The following UGT1A7 variants were observed in gnomAD, a reference collection of about 807,000 sequenced individuals.
The protein encoded by UGT1A7 is UDP-glucuronosyltransferase 1A7.
In UGT1A7, 33 loss-of-function variants were observed where a neutral mutation model predicts 45.6. The observed-to-expected ratio is 0.72, with a 90% CI of 0.55 to 0.97. The LOEUF (loss-of-function observed/expected upper bound fraction) is 0.97. Among genes scored for constraint, UGT1A7 ranks in the 50% least tolerant of loss-of-function variants. The pLI is 0.00. For synonymous variants in UGT1A7, 274 were observed against 250.6 expected (o/e 1.09, Z -0.88); for missense variants, 684 against 666.2 (o/e 1.03, Z -0.29).
rs1559370464 is a variant in UGT1A7 at position 233,725,249 on chromosome 2, GGAGGCAGAGGCAGAGGAGGCAGAGGCA to G, written c.856-41768_856-41742del. Among the ~76,000 whole-genome samples, 7 of 48,520 alleles carry G rather than the reference GGAGGCAGAGGCAGAGGAGGCAGAGGCA, an allele frequency of 1.4e-4. 2 individuals carry two copies. The highest frequency in any genetic ancestry group is 4.8e-4 in the East Asian group (1 of 2,098). The allele number at this position is 48,520 out of a possible 152,430, so 31.8% of individuals were successfully genotyped here. On this transcript the variant is annotated intron_variant, in intron 1 of 4. Coordinates refer to ENST00000373426, the MANE Select transcript of UGT1A7 (RefSeq NM_019077.3). ...CAGAGGCAGAGGAGGCAGAGGCAGA[GGAGGCAGAGGCAGAGGAGGCAGAGGCA>G]GAGGCAGAGGCAGAGGCAGAGGCAG...
chr2:233,728,979 T>A, intron 1 of UGT1A7: 1 of 1,500,276 alleles, frequency 6.7e-7, no homozygotes, highest in Non-Finnish European at 8.9e-7. Flanking sequence ...AGATTAATGG[T>A]TAATAATTAA....
At chr2:233,730,107 G>A (rs2077985691) in intron 1 of UGT1A7, 1 of 1,570,754 alleles carries the variant, frequency 6.4e-7, no homozygotes, top group Non-Finnish European at 8.6e-7. Flanking sequence ...TTTCATTTCT[G>A]CTTCTCCTTG....
intron 1 of UGT1A7, among the ~76,000 whole-genome samples, chr2:233,689,520 G>A (rs1016831766): frequency 2.6e-5 from 4 of 152,228 alleles, no homozygotes; most frequent in African/African-American, 9.6e-5. Context: ...CATTGGTTTG[G>A]TCATGAGAAG....
At chr2:233,682,820 A>G (rs562629163) in intron 1 of UGT1A7, 28 bp downstream of exon 1, 4 of 1,573,334 alleles carry the variant, frequency 2.5e-6, no homozygotes, top group South Asian at 1.2e-5. Flanking sequence ...TAGCACATTA[A>G]GAATAATCTG....
chr2:233,749,875 A>C (rs747231604), intron 1 of UGT1A7, among the ~76,000 whole-genome samples: 2 of 151,930 alleles, frequency 1.3e-5, no homozygotes, highest in Non-Finnish European at 2.9e-5. Context: ...CAGGATTATA[A>C]GTTTCCTGAG....
chr2:233,722,716 GT>G (rs1305467466), intron 1 of UGT1A7, among the ~76,000 whole-genome samples: 12 of 151,988 alleles, frequency 7.9e-5, no homozygotes, highest in Non-Finnish European at 1.5e-5. Flanking sequence ...TTAAATATCA[GT>G]TTTTAAATTT....
At chr2:233,743,788 C>T (rs1478609008) in intron 1 of UGT1A7, 1 of 1,367,378 alleles carries the variant, frequency 7.3e-7, no homozygotes, top group Admixed American at 1.9e-5. Flanking sequence ...TGAATCTCCT[C>T]TCCGCTTCCT....
intron 1 of UGT1A7, among the ~76,000 whole-genome samples, chr2:233,725,216 A>C (rs1559370373): frequency 4.4e-5 from 2 of 45,274 alleles, no homozygotes; most frequent in African/African-American, 2.5e-4. Flanking sequence ...AGGCAGAGGC[A>C]GAGGAGGCAG....
chr2:233,761,518 T>G (rs780967719), intron 1 of UGT1A7, among the ~76,000 whole-genome samples: 1 of 152,242 alleles, frequency 6.6e-6, no homozygotes, highest in Non-Finnish European at 1.5e-5. Flanking sequence ...GCAGGCAATG[T>G]TCAGGACTGA....
intron 1 of UGT1A7, among the ~76,000 whole-genome samples, chr2:233,761,819 C>T (rs1222575733): frequency 6.6e-6 from 1 of 152,192 alleles, no homozygotes; most frequent in East Asian, 1.9e-4. Flanking sequence ...AGGAGAGGCT[C>T]CTTCAGATGG....
In UGT1A7 at chr2:233,759,969, C is replaced by T. The variant is rs922270020; in HGVS notation, c.856-7065C>T. Among the ~76,000 whole-genome samples the T allele has an allele frequency of 3.3e-5, 5 of 152,292 alleles. No homozygotes were observed. The East Asian group carries it at 9.6e-4, about 29-fold the overall frequency. On this transcript the variant is annotated intron_variant, in intron 1 of 4. Transcript: ENST00000373426. ...GTTCACTACATAGTCGTCCTTCTTC[C>T]TCTCTGGTAACACTTGTTGGTCTGT...
chr2:233,713,704 T>C (rs778886685), intron 1 of UGT1A7: 1 of 1,613,920 alleles, frequency 6.2e-7, no homozygotes, highest in Admixed American at 1.7e-5. Context: ...GCCTCTGAGC[T>C]TTTTCAGAGA....
At chr2:233,760,846 C>G (rs760019185) in intron 1 of UGT1A7, 2 of 1,613,970 alleles carry the variant, frequency 1.2e-6, no homozygotes, top group South Asian at 2.2e-5. Context: ...TACCCAGTGC[C>G]CCAACCCATT....
At chr2:233,726,402 T>C (rs1404707610) in intron 1 of UGT1A7, among the ~76,000 whole-genome samples, 7 of 152,206 alleles carry the variant, frequency 4.6e-5, no homozygotes, top group Non-Finnish European at 1.0e-4. Context: ...AGTCTTTTGA[T>C]GTCAGCATTC....
chr2:233,685,948 A>G (rs1322463324), intron 1 of UGT1A7, among the ~76,000 whole-genome samples: 1 of 152,228 alleles, frequency 6.6e-6, no homozygotes, highest in Non-Finnish European at 1.5e-5. Flanking sequence ...AAAGTCTTTT[A>G]TATGTAGATC....
chr2:233,681,945 G>T lies in UGT1A7; in HGVS notation c.8G>T (p.Arg3Leu). The T allele has an allele frequency of 6.2e-7, 1 of 1,613,336 alleles. No homozygotes were observed. The highest frequency in any genetic ancestry group is 8.5e-7 in the Non-Finnish European group (1 of 1,179,494). MA[R>L]AGWTGLLPLY... ...CTGGGCTGAAGTTCTCTGATGGCTCGTGCAGGGTGGACTGGCCTCCTTCCC... is the reference window on the plus strand; with the variant it reads ...CTGGGCTGAAGTTCTCTGATGGCTCTTGCAGGGTGGACTGGCCTCCTTCCC... The change falls in exon 1 of 5, where the codon CGT becomes CTT. Residue 3 changes from arginine (R) to leucine (L), a missense_variant. Coordinates refer to ENST00000373426, the MANE Select transcript of UGT1A7 (RefSeq NM_019077.3).
Position 233,768,588 on chromosome 2 carries a change from T to TTC in UGT1A7, c.1295+150_1295+151insCT. 11 of 996,616 alleles carry TTC rather than the reference T, an allele frequency of 1.1e-5. No individual in the cohort carries two copies. In the East Asian group the frequency reaches 2.1e-4, roughly 19 times the overall value. The allele number at this position is 996,616 out of a possible 1,614,324, so 61.7% of individuals were successfully genotyped here. A position where few individuals can be genotyped will look rare whatever the true frequency, so the allele number is the denominator to read the frequency against. On this transcript the variant is annotated intron_variant, in intron 4 of 4. Transcript: ENST00000373426. ...ATCTGGATTTTTATTTCTTCTTTTT[T>TTC]TTTTTTTTTTTTTTTTGAGATGGAG...
At chr2:233,744,355 C>G (rs563473520) in intron 1 of UGT1A7, among the ~76,000 whole-genome samples, 6 of 151,952 alleles carry the variant, frequency 3.9e-5, no homozygotes, top group African/African-American at 1.2e-4. Context: ...TGAAGACATC[C>G]TGTTGTTTAG....
At chr2:233,708,101 A>G (rs1377829159) in intron 1 of UGT1A7, among the ~76,000 whole-genome samples, 3 of 152,230 alleles carry the variant, frequency 2.0e-5, no homozygotes, top group African/African-American at 7.2e-5. Flanking sequence ...GAATTAGAAT[A>G]AACATCTTAG....
Sources: allele counts gnomAD v4.1 joint callset (sites outside exome capture counted in the v4.1 genomes callset), GRCh38; gene constraint gnomAD v4.1.1; transcripts MANE v1.5; gene names NCBI Gene and HGNC (gene_info 2026-07-23, HGNC 2026-07-21).